The following PPARGC1A variants were observed in gnomAD, a reference collection of about 807,000 sequenced individuals.
PPARGC1A encodes the protein peroxisome proliferator-activated receptor gamma coactivator 1-alpha.
In PPARGC1A, 25 loss-of-function variants were observed where a neutral mutation model predicts 88.7. That is an observed-to-expected ratio of 0.28 (90% CI 0.21 to 0.39). The LOEUF (loss-of-function observed/expected upper bound fraction) is 0.39. PPARGC1A is among the 10% of genes least tolerant of loss of function. The pLI is 1.00. For missense variants in PPARGC1A, 880 were observed against 968.7 expected (o/e 0.91, Z 1.22); for synonymous variants, 363 against 355.6 (o/e 1.02, Z -0.24).
chr4:24,363,738 T>C, the PPARGC1A span, among the ~76,000 whole-genome samples: 4 of 152,334 alleles, frequency 2.6e-5, no homozygotes, highest in Middle Eastern at 3.4e-3. Context: ...TGTCTGTCCT[T>C]AATGTAGCAT....
the PPARGC1A span, among the ~76,000 whole-genome samples, chr4:24,148,367 T>C: frequency 1.3e-5 from 2 of 152,170 alleles, no homozygotes; most frequent in South Asian, 4.1e-4. Flanking sequence ...CTGCCTGTTC[T>C]TCAACATCTT....
At chr4:24,395,900 T>C in the PPARGC1A span, among the ~76,000 whole-genome samples, 1 of 152,278 alleles carries the variant, frequency 6.6e-6, no homozygotes, top group Admixed American at 6.5e-5. Context: ...TAAAAAACAA[T>C]ATTCTTTAAA....
the PPARGC1A span, among the ~76,000 whole-genome samples, chr4:24,219,603 A>G: frequency 2.0e-5 from 3 of 152,128 alleles, no homozygotes; most frequent in Admixed American, 6.5e-5. Flanking sequence ...ACTCTTACCT[A>G]TCTTCACTAA....
In PPARGC1A at chr4:23,794,449, T is replaced by C. The variant is rs1483889730; in HGVS notation, c.*1373A>G. On this transcript the variant is annotated 3_prime_UTR_variant, in exon 13 of 13. Coordinates refer to ENST00000264867, the MANE Select transcript of PPARGC1A (RefSeq NM_013261.5). ...CTTGACAAGATGCTTAGATTGAAGCTCACCTAAGGGATGGATGTGCGGAAA... is the reference window on the plus strand; with the variant it reads ...CTTGACAAGATGCTTAGATTGAAGCCCACCTAAGGGATGGATGTGCGGAAA... 6.6e-6 allele frequency: 1 copy of C among 152,506 alleles called. No individual in the cohort carries two copies. Among genetic ancestry groups the C allele is most frequent in the Non-Finnish European group, 1.5e-5 (1 of 68,020 alleles). 9.4% of individuals were successfully genotyped at this position (152,506 alleles called of 1,614,324 possible). A position where few individuals can be genotyped will look rare whatever the true frequency, so the allele number is the denominator to read the frequency against.
At chr4:24,268,323 C>T in the PPARGC1A span, among the ~76,000 whole-genome samples, 677 of 152,300 alleles carry the variant, frequency 4.4e-3, 12 homozygotes, top group Admixed American at 0.04. Context: ...GCTATGAGTT[C>T]AATCAGCATC....
the PPARGC1A span, among the ~76,000 whole-genome samples, chr4:23,910,194 T>C: frequency 3.1e-5 from 3 of 95,248 alleles, no homozygotes; most frequent in Admixed American, 4.2e-4. Context: ...ATATAAAATA[T>C]ATAAAAATTT....
the PPARGC1A span, among the ~76,000 whole-genome samples, chr4:24,079,339 ATT>A: frequency 2.6e-5 from 4 of 151,920 alleles, no homozygotes; most frequent in African/African-American, 9.7e-5. Flanking sequence ...TGTCCCCATT[ATT>A]GTTTTAATTT....
chr4:24,127,223 ACTT>A, the PPARGC1A span, among the ~76,000 whole-genome samples: 1 of 151,616 alleles, frequency 6.6e-6, no homozygotes, highest in Non-Finnish European at 1.5e-5. Context: ...GCCTTGAGAA[ACTT>A]CTTAACCATG....
In PPARGC1A at chr4:23,816,707, G is replaced by C. The variant is rs192626372; in HGVS notation, c.878-2102C>G. ...ATTCAACATCCTCATATCCAACTCCGTAAATCTTTGCATGATCACCCCAAG... is the reference window on the plus strand; with the variant it reads ...ATTCAACATCCTCATATCCAACTCCCTAAATCTTTGCATGATCACCCCAAG... On this transcript the variant is annotated intron_variant, in intron 7 of 12. Coordinates refer to ENST00000264867, the MANE Select transcript of PPARGC1A (RefSeq NM_013261.5). 8.5e-5 allele frequency among the ~76,000 whole-genome samples: 13 copies of C among 152,222 alleles called. No individual in the cohort carries two copies. The East Asian group carries it at 2.5e-3, about 29-fold the overall frequency.
chr4:24,182,683 C>T, the PPARGC1A span, among the ~76,000 whole-genome samples: 1 of 152,100 alleles, frequency 6.6e-6, no homozygotes, highest in Non-Finnish European at 1.5e-5. Context: ...TTTTGATAAT[C>T]GCCATTCTAA....
intron 7 of PPARGC1A, among the ~76,000 whole-genome samples, chr4:23,821,313 T>C (rs1475870858): frequency 6.6e-6 from 1 of 152,156 alleles, no homozygotes; most frequent in Non-Finnish European, 1.5e-5. Context: ...GAAGATACTG[T>C]ATGTGAAGTA....
chr4:24,080,719 A>C, the PPARGC1A span, among the ~76,000 whole-genome samples: 1 of 152,126 alleles, frequency 6.6e-6, no homozygotes, highest in Non-Finnish European at 1.5e-5. Flanking sequence ...TTTAGGAGAA[A>C]GTTACTATTG....
At chr4:24,258,427 C>G in the PPARGC1A span, among the ~76,000 whole-genome samples, 1 of 152,146 alleles carries the variant, frequency 6.6e-6, no homozygotes, top group African/African-American at 2.4e-5. Flanking sequence ...ATCTTGACTA[C>G]CCATCTTTCC....
the PPARGC1A span, among the ~76,000 whole-genome samples, chr4:24,374,641 A>T: frequency 3.3e-5 from 5 of 152,124 alleles, no homozygotes; most frequent in African/African-American, 9.7e-5. Flanking sequence ...ACAAGAAAAG[A>T]TGCTCAGTAT....
At chr4:24,245,454 C>T in the PPARGC1A span, among the ~76,000 whole-genome samples, 1 of 152,212 alleles carries the variant, frequency 6.6e-6, no homozygotes, top group African/African-American at 2.4e-5. Context: ...GTGGAAGCTT[C>T]GAGGCCCACC....
At chr4:24,257,238 C>G in the PPARGC1A span, among the ~76,000 whole-genome samples, 3 of 152,086 alleles carry the variant, frequency 2.0e-5, no homozygotes, top group Non-Finnish European at 2.9e-5. Context: ...AACTGGCCAA[C>G]AAATAGGGCT....
intron 10 of PPARGC1A, among the ~76,000 whole-genome samples, chr4:23,806,839 G>A (rs1719899408): frequency 6.6e-6 from 1 of 152,134 alleles, no homozygotes; most frequent in African/African-American, 2.4e-5. Flanking sequence ...AACTACTCCT[G>A]ATAAAAGGGG....
chr4:23,815,910 A>G (rs1172585590), intron 7 of PPARGC1A, among the ~76,000 whole-genome samples: 1 of 152,190 alleles, frequency 6.6e-6, no homozygotes, highest in African/African-American at 2.4e-5. Flanking sequence ...AAATAAACAC[A>G]GACATACACA....
At chr4:24,041,648 G>C in the PPARGC1A span, among the ~76,000 whole-genome samples, 1 of 152,104 alleles carries the variant, frequency 6.6e-6, no homozygotes, top group African/African-American at 2.4e-5. Flanking sequence ...AAGCCTAAAT[G>C]AAAAGAGTAT....
Sources: gnomAD v4.1 joint callset for allele counts (sites outside exome capture counted in the v4.1 genomes callset) on GRCh38, gnomAD v4.1.1 for gene constraint, MANE v1.5 for transcripts, NCBI Gene and HGNC (gene_info 2026-07-23, HGNC 2026-07-21) for gene names.